MAP3K1: variants seen among roughly 807,000 people sequenced by gnomAD.
MAP3K1 encodes the protein mitogen-activated protein kinase kinase kinase 1.
A neutral mutation model predicts 144.2 loss-of-function variants in MAP3K1; 36 were observed. That is an observed-to-expected ratio of 0.25 (90% CI 0.19 to 0.33). MAP3K1 has a LOEUF of 0.33. Among genes scored for constraint, MAP3K1 ranks in the 10% least tolerant of loss-of-function variants. MAP3K1 has a pLI of 1.00. For missense variants in MAP3K1, 1,650 were observed against 1,881.9 expected (o/e 0.88, Z 2.28); for synonymous variants, 718 against 688.7 (o/e 1.04, Z -0.67).
At chr5:56,871,695 G>T (rs937968645) in intron 6 of MAP3K1, among the ~76,000 whole-genome samples, 1 of 152,066 alleles carries the variant, frequency 6.6e-6, no homozygotes, top group African/African-American at 2.4e-5. Flanking sequence ...AGCAAAGAAG[G>T]TTAACTCACA....
chr5:56,875,903 G>A (rs1359476849), intron 10 of MAP3K1, among the ~76,000 whole-genome samples: 1 of 152,050 alleles, frequency 6.6e-6, no homozygotes, highest in Non-Finnish European at 1.5e-5. Flanking sequence ...CAGATATTAA[G>A]GAAGATATGT....
Position 56,882,090 on chromosome 5 carries a change from A to C in MAP3K1, c.2890A>C (p.Ser964Arg). The change falls in exon 14 of 20, where the codon AGT (serine) becomes CGT (arginine). Residue 964 changes from serine (S) to arginine (R), a missense_variant. This residue lies in a region of MAP3K1 where 841 missense variants were observed against 886.5 expected (regional missense o/e 0.95). Coordinates refer to ENST00000399503, the MANE Select transcript of MAP3K1 (RefSeq NM_005921.2). Reference protein sequence around the residue: ...PMVQTKGRPHSQCLNSSPLSH... With the variant: ...PMVQTKGRPHRQCLNSSPLSH... ...GGTTCAAACAAAAGGCAGACCCCAC[A>C]GTCAGTGTTTGAACTCCTCTCCTTT... 1.2e-6 allele frequency: 2 copies of C among 1,614,132 alleles called. No individual in the cohort carries two copies. The highest frequency in any genetic ancestry group is 1.7e-6 in the Non-Finnish European group (2 of 1,180,042).
intron 3 of MAP3K1, among the ~76,000 whole-genome samples, chr5:56,863,181 G>A (rs1208924252): frequency 6.6e-6 from 1 of 152,200 alleles, no homozygotes; most frequent in Non-Finnish European, 1.5e-5. Flanking sequence ...GCCTGTAAAA[G>A]CTGGCTGTTC....
At chr5:56,884,005 C>T (rs544358125) in intron 15 of MAP3K1, among the ~76,000 whole-genome samples, 3 of 152,042 alleles carry the variant, frequency 2.0e-5, no homozygotes, top group African/African-American at 2.4e-5. Flanking sequence ...AAAAATCGGC[C>T]GGGCAGGGTG....
intron 1 of MAP3K1, among the ~76,000 whole-genome samples, chr5:56,837,250 G>T (rs770964771): frequency 6.6e-6 from 1 of 151,966 alleles, no homozygotes; most frequent in African/African-American, 2.4e-5. Flanking sequence ...TTTTCTTCAA[G>T]GCATTTTATT....
chr5:56,879,367 A>G (rs1748136882), intron 11 of MAP3K1, among the ~76,000 whole-genome samples: 1 of 152,238 alleles, frequency 6.6e-6, no homozygotes, highest in Non-Finnish European at 1.5e-5. Flanking sequence ...AACATTCATA[A>G]TCTGAAGACC....
At chr5:56,817,158 C>T (rs1332274248) in intron 1 of MAP3K1, 2 of 948,650 alleles carry the variant, frequency 2.1e-6, no homozygotes, top group Non-Finnish European at 2.5e-6. Flanking sequence ...CCATTTTTGG[C>T]TACTGGAAAT....
At chr5:56,879,177 G>A (rs2111933035) in intron 11 of MAP3K1, 76 bp downstream of exon 11, 1 of 1,494,934 alleles carries the variant, frequency 6.7e-7, no homozygotes, top group Non-Finnish European at 9.3e-7. Context: ...CACCTAGTGT[G>A]AATATCTGAT....
intron 1 of MAP3K1, among the ~76,000 whole-genome samples, chr5:56,843,916 G>C (rs1163185865): frequency 6.6e-6 from 1 of 152,168 alleles, no homozygotes; most frequent in East Asian, 1.9e-4. Context: ...AGGGTCTGTA[G>C]AGATGAGCCA....
intron 1 of MAP3K1, among the ~76,000 whole-genome samples, chr5:56,827,601 C>T (rs191704003): frequency 9.5e-4 from 145 of 152,338 alleles, no homozygotes; most frequent in Non-Finnish European, 8.8e-4. Context: ...CCGTGGCTCA[C>T]GCCCGTAATC....
At chr5:56,862,921 T>C (rs975923621) in intron 3 of MAP3K1, among the ~76,000 whole-genome samples, 2 of 152,128 alleles carry the variant, frequency 1.3e-5, no homozygotes, top group Non-Finnish European at 2.9e-5. Context: ...TTACGGTCGG[T>C]TTTTAAACAT....
At chr5:56,847,431 T>C (rs1293113072) in intron 1 of MAP3K1, among the ~76,000 whole-genome samples, 5 of 152,194 alleles carry the variant, frequency 3.3e-5, no homozygotes, top group Non-Finnish European at 7.3e-5. Flanking sequence ...ACCCCATCTC[T>C]ACTAAAAATA....
chr5:56,875,288 A>G lies in MAP3K1; in HGVS notation c.1943A>G (p.Tyr648Cys), dbSNP rs1255071610. The change falls in exon 10 of 20, where the codon TAC becomes TGC. Residue 648 changes from tyrosine to cysteine, a missense_variant. Physicochemically the swap from Tyr to Cys is radical, Grantham distance 194. Coordinates refer to ENST00000399503, the MANE Select transcript of MAP3K1 (RefSeq NM_005921.2). ...TCAATGGTCTGTGCTGACCCTGTCT[A>G]CAAAGTGTACGTTGCTGCTTTAGTA... ...VLSMVCADPV[Y>C]KVYVAALKTL... 1.2e-6 allele frequency: 2 copies of G among 1,613,996 alleles called. No individual in the cohort carries two copies. The highest frequency in any genetic ancestry group is 2.7e-5 in the African/African-American group (2 of 74,926).
chr5:56,836,229 C>G (rs538576999), intron 1 of MAP3K1, among the ~76,000 whole-genome samples: 7 of 152,200 alleles, frequency 4.6e-5, no homozygotes, highest in Admixed American at 1.3e-4. Flanking sequence ...CTGAGTGGCT[C>G]TTGTGTTTGT....
At chr5:56,878,875 C>CA in intron 10 of MAP3K1, 105 bp from the exon 11 acceptor site, 1 of 923,550 alleles carries the variant, frequency 1.1e-6, no homozygotes. Flanking sequence ...GGGTTATAAT[C>CA]CATTCCTGTC....
At chr5:56,891,930 T>G (rs1748561693) in intron 19 of MAP3K1, among the ~76,000 whole-genome samples, 2 of 152,314 alleles carry the variant, frequency 1.3e-5, no homozygotes, top group East Asian at 3.9e-4. Flanking sequence ...CTGTTTTGGT[T>G]ACTGTAGCCT....
chr5:56,830,909 A>G (rs1746466918), intron 1 of MAP3K1, among the ~76,000 whole-genome samples: 1 of 149,914 alleles, frequency 6.7e-6, no homozygotes, highest in Non-Finnish European at 1.5e-5. Flanking sequence ...TACCTAGTCT[A>G]GGATTGATTT....
At chr5:56,848,509 G>A (rs549827640) in intron 1 of MAP3K1, among the ~76,000 whole-genome samples, 11 of 152,266 alleles carry the variant, frequency 7.2e-5, no homozygotes, top group African/African-American at 2.4e-4. Flanking sequence ...CCTAGCTGCA[G>A]GACAAGGAAA....
rs1324275241 is a variant in MAP3K1 at position 56,815,999 on chromosome 5, G to C, written c.426G>C (p.Glu142Asp). The C allele has an allele frequency of 3.2e-6, 4 of 1,230,936 alleles. No individual in the cohort carries two copies. The highest frequency in any genetic ancestry group is 6.6e-5 in the East Asian group (2 of 30,452). 76.3% of individuals were successfully genotyped at this position (1,230,936 alleles called of 1,614,324 possible). ...GCGCCTCGAGTCCCGCAGCGGCCGAGCCCGGGGAGAAGCGGGCGCCCGCCG... is the reference window on the plus strand; with the variant it reads ...GCGCCTCGAGTCCCGCAGCGGCCGACCCCGGGGAGAAGCGGGCGCCCGCCG... ...DSGASSPAAA[E>D]PGEKRAPAAE... Residue 142 changes from glutamate to aspartate, a missense_variant, in exon 1 of 20, where the codon GAG becomes GAC. Glu to Asp is a conservative substitution (Grantham distance 45, BLOSUM62 2). Coordinates refer to ENST00000399503, the MANE Select transcript of MAP3K1 (RefSeq NM_005921.2).
Sources: allele counts gnomAD v4.1 joint callset (sites outside exome capture counted in the v4.1 genomes callset), GRCh38; gene constraint gnomAD v4.1.1; regional missense constraint gnomAD v4.1.1; transcripts MANE v1.5; gene names NCBI Gene and HGNC (gene_info 2026-07-23, HGNC 2026-07-21).